The following SLC4A10 variants were observed in gnomAD, a reference collection of about 807,000 sequenced individuals.
The protein encoded by SLC4A10 is sodium-driven chloride bicarbonate exchanger.
Under a neutral mutation model 137.7 loss-of-function variants are expected in SLC4A10, and 42 were observed. The ratio of observed to expected loss-of-function variants is 0.30; its 90% CI spans 0.24 to 0.39. The LOEUF is 0.39. Ranked by LOEUF, SLC4A10 falls within the 10% of genes least tolerant of loss-of-function variation. The probability of loss-of-function intolerance (pLI) is 1.00; values close to 1 mark genes in which losing one functional copy is unlikely to be tolerated. For missense variants in SLC4A10, 925 were observed against 1,355.0 expected, an observed-to-expected ratio of 0.68 and a Z score of 4.98; for synonymous variants, 474 against 464.1, an observed-to-expected ratio of 1.02 and a Z score of -0.27.
At chr2:161,693,836 T>C (rs2042235536) in intron 1 of SLC4A10, among the ~76,000 whole-genome samples, 2 of 151,974 alleles carry the variant, frequency 1.3e-5, no homozygotes, top group South Asian at 2.1e-4. Flanking sequence ...TATCCTATTG[T>C]CTGTATATAC....
rs556734178 is a variant in SLC4A10, at chr2:161,891,287, C to T, written c.1195-3392C>T. Among the ~76,000 whole-genome samples, 6 of 152,206 alleles carry T rather than the reference C, an allele frequency of 3.9e-5. No individual in the cohort carries two copies. The East Asian group carries it at 1.2e-3, about 29-fold the overall frequency. ...GATTTTGTGTTTTGGGGTTTCTCTT[C>T]TCGAGGAGTATCTTTGTGGTGTTCT... is the stretch of plus-strand genomic sequence containing the variant. On this transcript the variant is annotated intron_variant, in intron 10 of 26. Coordinates refer to ENST00000446997, the MANE Select transcript of SLC4A10 (RefSeq NM_001178015.2).
chr2:161,947,441 T>C (rs1238171470), intron 16 of SLC4A10, 125 bp from the exon 17 acceptor site: 3 of 941,710 alleles, frequency 3.2e-6, no homozygotes, highest in Non-Finnish European at 4.5e-6. Context: ...TGCTAAATCA[T>C]TGTGAGAGCC....
intron 15 of SLC4A10, among the ~76,000 whole-genome samples, chr2:161,940,257 G>C (rs1692436093): frequency 6.6e-6 from 1 of 152,106 alleles, no homozygotes; most frequent in Admixed American, 6.6e-5. Flanking sequence ...TTCCAGTTGA[G>C]GCCAACTGTA....
intron 11 of SLC4A10, among the ~76,000 whole-genome samples, chr2:161,899,734 G>A (rs946616993): frequency 6.6e-6 from 1 of 152,022 alleles, no homozygotes; most frequent in East Asian, 1.9e-4. Flanking sequence ...TGGGAAGTAG[G>A]TATTGAGGGA....
intron 15 of SLC4A10, among the ~76,000 whole-genome samples, chr2:161,930,116 G>A (rs1044343745): frequency 5.9e-5 from 9 of 152,040 alleles, no homozygotes; most frequent in Non-Finnish European, 1.0e-4. Context: ...TAGCCATCTG[G>A]TTCTGCTACA....
chr2:161,811,853 C>A (rs1415653643), intron 3 of SLC4A10, among the ~76,000 whole-genome samples: 4 of 151,958 alleles, frequency 2.6e-5, no homozygotes, highest in African/African-American at 9.7e-5. Context: ...TATGCCATTT[C>A]TAATTTAATT....
At chr2:161,627,886 G>A (rs535528068) in intron 1 of SLC4A10, among the ~76,000 whole-genome samples, 2 of 152,184 alleles carry the variant, frequency 1.3e-5, no homozygotes, top group African/African-American at 4.8e-5. Context: ...AATAAATAAG[G>A]CAGGCAAACA....
intron 11 of SLC4A10, among the ~76,000 whole-genome samples, chr2:161,897,656 C>G (rs1035481381): frequency 1.3e-5 from 2 of 152,038 alleles, no homozygotes; most frequent in Admixed American, 6.6e-5. Context: ...GATTATGTAA[C>G]TGCTACCACA....
chr2:161,806,593 G>A (rs1009492076), intron 3 of SLC4A10, among the ~76,000 whole-genome samples: 1 of 152,128 alleles, frequency 6.6e-6, no homozygotes, highest in Non-Finnish European at 1.5e-5. Context: ...TAGGGCAGGG[G>A]TAAAACACTG....
At chr2:161,637,376 T>C (rs1042971674) in intron 1 of SLC4A10, among the ~76,000 whole-genome samples, 1 of 151,858 alleles carries the variant, frequency 6.6e-6, no homozygotes, top group Non-Finnish European at 1.5e-5. Flanking sequence ...TTTTTTTGTA[T>C]TTTTAGTAGA....
rs954442321 is a variant in SLC4A10, at chr2:161,977,414, A to G, written c.3345-308A>G. On this transcript the variant is annotated intron_variant, in intron 25 of 26. Transcript: ENST00000446997. ...TTCTCTGTGTGTAAATGTACAAACA[A>G]CTCCTGTAGTTGTGGATGGTAGTTT... is the stretch of plus-strand genomic sequence containing the variant. The G allele has an allele frequency of 5.5e-5, 27 of 487,632 alleles. No homozygotes were observed. The Admixed American group carries it at 6.7e-4, about 12-fold the overall frequency. The allele number at this position is 487,632 out of a possible 1,614,324, so 30.2% of individuals were successfully genotyped here.
chr2:161,735,822 A>G (rs1479329696), intron 1 of SLC4A10, among the ~76,000 whole-genome samples: 3 of 152,186 alleles, frequency 2.0e-5, no homozygotes, highest in African/African-American at 7.2e-5. Context: ...CAGACCTCAA[A>G]ATCTAGAGGT....
At chr2:161,933,727 T>C (rs960691836) in intron 15 of SLC4A10, among the ~76,000 whole-genome samples, 12 of 152,184 alleles carry the variant, frequency 7.9e-5, no homozygotes, top group African/African-American at 2.4e-4. Context: ...CTTTCGTCCA[T>C]TGATGGGCAC....
rs181797645 is a variant in SLC4A10 at position 161,722,460 on chromosome 2, G to A, written c.49-48513G>A. Among the ~76,000 whole-genome samples the A allele has an allele frequency of 6.6e-5, 10 of 152,246 alleles. No individual in the cohort carries two copies. In the East Asian group the frequency reaches 1.9e-3, roughly 29 times the overall value. On this transcript the variant is annotated intron_variant, in intron 1 of 26. Transcript: ENST00000446997. ...GCCTCTCTTCCACAGGGCTGCTGTGGTTTGCTGGGGGTCCTCTCCAGATCT... is the reference window on the plus strand; with the variant it reads ...GCCTCTCTTCCACAGGGCTGCTGTGATTTGCTGGGGGTCCTCTCCAGATCT...
At chr2:161,873,736 A>G (rs2061290709) in intron 7 of SLC4A10, 180 bp from the exon 8 acceptor site, 1 of 525,398 alleles carries the variant, frequency 1.9e-6, no homozygotes, top group Non-Finnish European at 3.4e-6. Flanking sequence ...TAGAGGAAGT[A>G]GCCTGAATCA....
At chr2:161,848,894 A>C (rs115797153) in intron 4 of SLC4A10, among the ~76,000 whole-genome samples, 3,230 of 151,876 alleles carry the variant, frequency 0.021, 73 homozygotes, top group Middle Eastern at 0.034. Flanking sequence ...GAATTTTAGA[A>C]TTTTTTTCTA....
intron 23 of SLC4A10, among the ~76,000 whole-genome samples, chr2:161,967,684 G>A (rs1018362327): frequency 6.6e-6 from 1 of 151,940 alleles, no homozygotes; most frequent in East Asian, 1.9e-4. Flanking sequence ...TGTTTGTATA[G>A]CTCACATTTA....
intron 23 of SLC4A10, among the ~76,000 whole-genome samples, chr2:161,973,536 G>A (rs905985523): frequency 6.6e-5 from 10 of 152,116 alleles, no homozygotes; most frequent in African/African-American, 2.2e-4. Flanking sequence ...GAAATTTGAA[G>A]CATAAAACAA....
chr2:161,980,534 A>G (rs1227392680), intron 26 of SLC4A10, among the ~76,000 whole-genome samples: 1 of 152,116 alleles, frequency 6.6e-6, no homozygotes, highest in African/African-American at 2.4e-5. Context: ...CTGTAATCCC[A>G]GCTACTCAGG....
Sources: gnomAD v4.1 joint callset for allele counts (sites outside exome capture counted in the v4.1 genomes callset) on GRCh38, gnomAD v4.1.1 for gene constraint, MANE v1.5 for transcripts, NCBI Gene and HGNC (gene_info 2026-07-23, HGNC 2026-07-21) for gene names.